COMP: variants seen among roughly 807,000 people sequenced by gnomAD.
COMP encodes cartilage oligomeric matrix protein.
COMP carries 79 observed loss-of-function variants against 95.8 expected under a neutral mutation model. The observed-to-expected ratio is 0.82, with a 90% CI of 0.69 to 0.99. The LOEUF is 0.99. Ranked by LOEUF, COMP falls within the 50% of genes least tolerant of loss-of-function variation. COMP has a pLI of 0.00. For missense variants in COMP, 906 were observed against 1,076.1 expected, an observed-to-expected ratio of 0.84 and a Z score of 2.21; for synonymous variants, 438 against 433.9, an observed-to-expected ratio of 1.01 and a Z score of -0.12.
At position 18,788,384 on chromosome 19, in the gene COMP, G is replaced by GCCCCCCCC; in HGVS notation, c.867+25_867+26insGGGGGGGG. ...AAGTCCCGCCCTCCCTCCTGCCCAA[G>GCCCCCCCC]CCCGCCCCGCTCCGCCCCCACCCAC... On this transcript the variant is annotated intron_variant, in intron 8 of 18. Transcript: ENST00000222271. The surrounding 1 kb of genome is among the most constrained non-coding windows in gnomAD (Gnocchi z 4.7). The GCCCCCCCC allele has an allele frequency of 2.0e-6, 3 of 1,516,168 alleles. No individual in the cohort carries two copies. Among genetic ancestry groups the GCCCCCCCC allele is most frequent in the Non-Finnish European group, 2.7e-6 (3 of 1,098,436 alleles). The allele number at this position is 1,516,168 out of a possible 1,614,324, so 93.9% of individuals were successfully genotyped here.
Position 18,782,925 on chromosome 19 carries a change from C to T in COMP, c.2264G>A (p.Arg755Gln), listed in dbSNP as rs756579573. The T allele has an allele frequency of 5.6e-6, 9 of 1,611,926 alleles. No individual in the cohort carries two copies. Among genetic ancestry groups the T allele is most frequent in the South Asian group, 3.3e-5 (3 of 91,052 alleles). Residue 755 changes from arginine (R) to glutamine (Q), a missense_variant, in exon 19 of 19, where the codon CGG becomes CAG. By Grantham distance (43) the Arg-to-Gln change is conservative. Coordinates refer to ENST00000222271, the MANE Select transcript of COMP (RefSeq NM_000095.3). ...IPEDYETHQL[R>Q]QA ...TCCTCACCCTGGTCCCTAGGCTTGC[C>T]GCAGCTGATGGGTCTCATAGTCCTC... is the stretch of plus-strand genomic sequence containing the variant.
intron 2 of COMP, 46 bp downstream of exon 2, chr19:18,790,804 C>T: frequency 6.4e-7 from 1 of 1,558,564 alleles, no homozygotes. Context: ...AACTGAGACC[C>T]CCTTCCGTTC....
intron 1 of COMP, 120 bp downstream of exon 1, chr19:18,791,071 G>T (rs1395711123): frequency 3.8e-5 from 57 of 1,497,494 alleles, no homozygotes; most frequent in South Asian, 1.6e-4. Context: ...TGCTTTCTGC[G>T]CCCGGCACGT....
chr19:18,785,687 C>T lies in COMP; in HGVS notation c.1654G>A (p.Val552Met). 6.2e-7 allele frequency: 1 copy of T among 1,613,532 alleles called. No individual in the cohort carries two copies. Among genetic ancestry groups the T allele is most frequent in the South Asian group, 1.1e-5 (1 of 91,084 alleles). ...EGDAQIDPNW[V>M]VLNQGREIVQ... ...CCCGCTCCCACCTGGTTGAGCACCA[C>T]CCAGTTGGGGTCAATCTGCGCGTCA... The change falls in exon 14 of 19, where the codon GTG (valine) becomes ATG (methionine). Residue 552 changes from valine (V) to methionine (M), a missense_variant. Val to Met is a conservative substitution (Grantham distance 21). Transcript: ENST00000222271.
At chr19:18,790,509 CTG>C in intron 3 of COMP, 51 bp downstream of exon 3, 2 of 1,607,010 alleles carry the variant, frequency 1.2e-6, no homozygotes, top group South Asian at 1.1e-5. Flanking sequence ...GTCTCTGTCT[CTG>C]TGTCTCTGTC....
In COMP at chr19:18,788,776, C is replaced by A; in HGVS notation, c.604-26G>T. 1 of 1,601,492 alleles carries A rather than the reference C, an allele frequency of 6.2e-7. No homozygotes were observed. Among genetic ancestry groups the A allele is most frequent in the Non-Finnish European group, 8.5e-7 (1 of 1,174,440 alleles). ...CTGCGCCGGAGCCGCCGGAGGTCAG[C>A]GCAGGCCGCCCGCCGCTCGCCCCAC... is the stretch of plus-strand genomic sequence containing the variant. On this transcript the variant is annotated intron_variant, in intron 6 of 18. Coordinates refer to ENST00000222271, the MANE Select transcript of COMP (RefSeq NM_000095.3). This position sits in a 1 kb window ranked among gnomAD's most constrained non-coding sequence, Gnocchi z 4.7.
In COMP at chr19:18,789,804, G is replaced by T; in HGVS notation, c.390+138C>A. The T allele has an allele frequency of 1.8e-6, 2 of 1,122,726 alleles. No individual in the cohort carries two copies. Among genetic ancestry groups the T allele is most frequent in the Non-Finnish European group, 2.6e-6 (2 of 772,110 alleles). The allele number at this position is 1,122,726 out of a possible 1,614,324, so 69.5% of individuals were successfully genotyped here. On this transcript the variant is annotated intron_variant, in intron 4 of 18. Coordinates refer to ENST00000222271, the MANE Select transcript of COMP (RefSeq NM_000095.3). This position sits in a 1 kb window ranked among gnomAD's most constrained non-coding sequence, Gnocchi z 6.1. ...GGCGTCCCCCCGCGGTAAGGAGGTA[G>T]TCTGGCCGTGCGCCCCCGGAGGTGA...
chr19:18,784,489 C>T lies in COMP; in HGVS notation c.1915-126G>A, dbSNP rs2055151083. The T allele has an allele frequency of 9.0e-7, 1 of 1,109,074 alleles. No homozygotes were observed. Among genetic ancestry groups the T allele is most frequent in the Non-Finnish European group, 1.3e-6 (1 of 750,468 alleles). The allele number at this position is 1,109,074 out of a possible 1,614,324, so 68.7% of individuals were successfully genotyped here. ...GCCAGGGGGATCCGGATGAGAGACC[C>T]ACAAGGAAGCCTTCTTCAGGGGCCA... On this transcript the variant is annotated intron_variant, in intron 16 of 18. Coordinates refer to ENST00000222271, the MANE Select transcript of COMP (RefSeq NM_000095.3). This position sits in a 1 kb window ranked among gnomAD's most constrained non-coding sequence, Gnocchi z 4.9.
At position 18,789,060 on chromosome 19, in the gene COMP, C is replaced by T; in HGVS notation, c.528+100G>A. On this transcript the variant is annotated intron_variant, in intron 5 of 18. Coordinates refer to ENST00000222271, the MANE Select transcript of COMP (RefSeq NM_000095.3). This position sits in a 1 kb window ranked among gnomAD's most constrained non-coding sequence, Gnocchi z 6.1. ...GCGCAGCGGACCCCTCCTCTCCCCA[C>T]CCCTCCCGCTGGAAGGAGGCTGGAA... 1 of 1,546,264 alleles carries T rather than the reference C, an allele frequency of 6.5e-7. No individual in the cohort carries two copies. The highest frequency in any genetic ancestry group is 8.8e-7 in the Non-Finnish European group (1 of 1,141,130).
chr19:18,785,957 C>A lies in COMP; in HGVS notation c.1489+8G>T. On this transcript the variant is annotated splice_region_variant and intron_variant, in intron 13 of 18. Transcript: ENST00000222271. ...CCGCCCCCACCGCAGGCCCCGCCCC[C>A]GCCGTACTGTCCGCGTCCTCCTGGC... The A allele has an allele frequency of 6.3e-7, 1 of 1,597,090 alleles. No individual in the cohort carries two copies. The highest frequency in any genetic ancestry group is 2.3e-5 in the East Asian group (1 of 44,006).
intron 10 of COMP, chr19:18,787,130 TCTCA>T (rs1449201339): frequency 2.4e-6 from 1 of 418,884 alleles, no homozygotes; most frequent in Non-Finnish European, 4.4e-6. Context: ...GGGGACGGGC[TCTCA>T]CTCCCAGGGT....
Position 18,789,990 on chromosome 19 carries a change from G to A in COMP, c.342C>T (p.Cys114=). ...QTESGARCGP[C]PAGFTGNGSH... ...AGCCGTTGCCCGTGAAGCCCGCGGGGCAGGGGCCGCAGCGCGCGCCGCTCT... is the reference window on the plus strand; with the variant it reads ...AGCCGTTGCCCGTGAAGCCCGCGGGACAGGGGCCGCAGCGCGCGCCGCTCT... Residue 114 remains cysteine (C), a synonymous_variant, in exon 4 of 19, where the codon TGC becomes TGT. Coordinates refer to ENST00000222271, the MANE Select transcript of COMP (RefSeq NM_000095.3). The surrounding 1 kb of genome is among the most constrained non-coding windows in gnomAD (Gnocchi z 6.1). 1 of 1,592,492 alleles carries A rather than the reference G, an allele frequency of 6.3e-7. No homozygotes were observed. The highest frequency in any genetic ancestry group is 1.1e-5 in the South Asian group (1 of 89,914).
At position 18,790,600 on chromosome 19, in the gene COMP, G is replaced by A; in HGVS notation, c.179C>T (p.Thr60Met). ...ELLRQQVREI[T>M]FLKNTVMECD... ...CTCCATCACCGTGTTTTTCAGGAAC[G>A]TGATCTCCCTGACCTGCAGGGGTGG... is the stretch of plus-strand genomic sequence containing the variant. Residue 60 changes from threonine (T) to methionine (M), a missense_variant, in exon 3 of 19, where the codon ACG becomes ATG. Transcript: ENST00000222271. 6.2e-7 allele frequency: 1 copy of A among 1,613,808 alleles called. No individual in the cohort carries two copies. Among genetic ancestry groups the A allele is most frequent in the South Asian group, 1.1e-5 (1 of 91,078 alleles).
intron 9 of COMP, 35 bp from the exon 10 acceptor site, chr19:18,787,685 T>G (rs1331534176): frequency 3.1e-6 from 5 of 1,611,024 alleles, no homozygotes; most frequent in Non-Finnish European, 4.2e-6. Context: ...TGAGATCAGG[T>G]CGAGAAGGCA....
chr19:18,788,116 A>G lies in COMP; in HGVS notation c.975+96T>C. The G allele has an allele frequency of 2.0e-6, 2 of 989,180 alleles. No individual in the cohort carries two copies. The highest frequency in any genetic ancestry group is 3.1e-6 in the Non-Finnish European group (2 of 635,266). 61.3% of individuals were successfully genotyped at this position (989,180 alleles called of 1,614,324 possible). A position where few individuals can be genotyped will look rare whatever the true frequency, so the allele number is the denominator to read the frequency against. On this transcript the variant is annotated intron_variant, in intron 9 of 18. Coordinates refer to ENST00000222271, the MANE Select transcript of COMP (RefSeq NM_000095.3). The surrounding 1 kb of genome is among the most constrained non-coding windows in gnomAD (Gnocchi z 4.7). The stretch of plus-strand genomic sequence containing the variant: ...GAGGGGTTTCACCATGATGGCCAGG[A>G]TGGTCTCCATCTCTTGACCTCGTGA...
Position 18,786,001 on chromosome 19 carries a change from G to C in COMP, c.1453C>G (p.Arg485Gly), listed in dbSNP as rs191645921. The change falls in exon 13 of 19, where the codon CGC becomes GGC. Residue 485 changes from arginine (R) to glycine (G), a missense_variant. Arg to Gly is a moderately radical substitution (Grantham distance 125). Coordinates refer to ENST00000222271, the MANE Select transcript of COMP (RefSeq NM_000095.3). Reference sequence around the variant, plus strand: ...TCCTGGCCGGGGTTAGGCACCAGGCGGCAGTTGTCCCGACTGTCAGGGACT... The same window carrying C: ...TCCTGGCCGGGGTTAGGCACCAGGCCGCAGTTGTCCCGACTGTCAGGGACT... ...DGVPDSRDNC[R>G]LVPNPGQEDA... The C allele has an allele frequency of 5.6e-6, 9 of 1,613,196 alleles. No individual in the cohort carries two copies. The highest frequency in any genetic ancestry group is 7.6e-6 in the Non-Finnish European group (9 of 1,179,944).
At position 18,782,842 on chromosome 19, in the gene COMP, TG is replaced by T. The variant is rs1378411524; in HGVS notation, c.*72del. The T allele has an allele frequency of 2.6e-5, 41 of 1,553,938 alleles. No homozygotes were observed. Among genetic ancestry groups the T allele is most frequent in the Non-Finnish European group, 3.3e-5 (37 of 1,136,546 alleles). ...CTTCCCCCTCAGGACGGCCACCCCTTGGGGCTGGGTGCAGAGCCCCCATCCA... is the reference window on the plus strand; with the variant it reads ...CTTCCCCCTCAGGACGGCCACCCCTTGGGCTGGGTGCAGAGCCCCCATCCA... On this transcript the variant is annotated 3_prime_UTR_variant, in exon 19 of 19. Coordinates refer to ENST00000222271, the MANE Select transcript of COMP (RefSeq NM_000095.3).
At chr19:18,785,128 G>T in intron 15 of COMP, 36 bp from the exon 16 acceptor site, 1 of 1,601,866 alleles carries the variant, frequency 6.2e-7, no homozygotes, top group Non-Finnish European at 8.5e-7. Flanking sequence ...CTTTCCGAAC[G>T]CCAGCCCCAG....
At position 18,788,783 on chromosome 19, in the gene COMP, C is replaced by T; in HGVS notation, c.604-33G>A. On this transcript the variant is annotated intron_variant, in intron 6 of 18. Coordinates refer to ENST00000222271, the MANE Select transcript of COMP (RefSeq NM_000095.3). The surrounding 1 kb of genome is among the most constrained non-coding windows in gnomAD (Gnocchi z 4.7). The stretch of plus-strand genomic sequence containing the variant: ...GGAGCCGCCGGAGGTCAGCGCAGGC[C>T]GCCCGCCGCTCGCCCCACCTCCCGC... The T allele has an allele frequency of 1.9e-6, 3 of 1,604,558 alleles. No homozygotes were observed. The highest frequency in any genetic ancestry group is 1.1e-5 in the South Asian group (1 of 89,794).
Sources: gnomAD v4.1 joint callset for allele counts on GRCh38, gnomAD v4.1.1 for gene constraint, Gnocchi (gnomAD v3.1) non-coding constraint, MANE v1.5 for transcripts, NCBI Gene and HGNC (gene_info 2026-07-23, HGNC 2026-07-21) for gene names.